Variants in INTS3 observed in about 807,000 individuals in gnomAD.
INTS3 encodes the protein SOSS complex subunit A.
In INTS3, 34 loss-of-function variants were observed where a neutral mutation model predicts 146.3. That is an observed-to-expected ratio of 0.23 (90% CI 0.18 to 0.31). The LOEUF (loss-of-function observed/expected upper bound fraction) is 0.31, where lower values mean the gene tolerates loss of function less well. INTS3 is among the 10% of genes least tolerant of loss of function. The probability of loss-of-function intolerance (pLI) is 1.00; values close to 1 mark genes in which losing one functional copy is unlikely to be tolerated. For missense variants in INTS3, 757 were observed against 1,304.2 expected (o/e 0.58, Z 6.46); for synonymous variants, 475 against 494.9 (o/e 0.96, Z 0.53).
intron 1 of INTS3, among the ~76,000 whole-genome samples, chr1:153,734,830 T>TA (rs1671230275): frequency 6.6e-6 from 1 of 152,214 alleles, no homozygotes; most frequent in African/African-American, 2.4e-5. Flanking sequence ...GTCAGGAATT[T>TA]ATTCATGTCC....
chr1:153,758,100 C>T (rs772221080), intron 10 of INTS3, among the ~76,000 whole-genome samples: 1 of 152,196 alleles, frequency 6.6e-6, no homozygotes, highest in Non-Finnish European at 1.5e-5. Context: ...AGATTCAGAG[C>T]TTGCATTCTT....
chr1:153,732,169 C>T (rs1445290179), intron 1 of INTS3, among the ~76,000 whole-genome samples: 1 of 152,036 alleles, frequency 6.6e-6, no homozygotes, highest in African/African-American at 2.4e-5. Flanking sequence ...TTCCAAATTG[C>T]TGGGATTACA....
intron 1 of INTS3, among the ~76,000 whole-genome samples, chr1:153,736,355 A>G (rs552191107): frequency 2.0e-5 from 3 of 152,048 alleles, no homozygotes; most frequent in African/African-American, 7.2e-5. Context: ...TTGCCTTAAC[A>G]CTCAGTTCTA....
Position 153,767,792 on chromosome 1 carries a change from C to T in INTS3, c.2209C>T (p.Leu737Phe). 6.5e-7 allele frequency: 1 copy of T among 1,539,780 alleles called. No homozygotes were observed. ...GGCCTGCCAGGAGGACGATGTGCGG[C>T]TCCTGTGCCACCTCACGCCCTCCAT... ...MKACQEDDVR[L>F]LCHLTPSIYT... is the part of the protein sequence containing the mutation. The change falls in exon 21 of 30, where the codon CTC becomes TTC. Residue 737 changes from leucine (L) to phenylalanine (F), a missense_variant. Transcript: ENST00000318967.
rs1671941700 is a variant in INTS3 at position 153,751,091 on chromosome 1, G to A, written c.585-4G>A. The A allele has an allele frequency of 8.1e-6, 13 of 1,613,880 alleles. 1 individual carries two copies. The highest frequency in any genetic ancestry group is 1.3e-5 in the African/African-American group (1 of 74,922). ...ATAGGAGCCAGTGTGTTTCCTCCCT[G>A]CAGGGAGTGGGTCCTGAAGAGCAGC... On this transcript the variant is annotated splice_polypyrimidine_tract_variant and splice_region_variant and intron_variant, in intron 6 of 29. Coordinates refer to ENST00000318967, the MANE Select transcript of INTS3 (RefSeq NM_023015.5).
In INTS3 at chr1:153,770,315, A is replaced by T. The variant is rs1359047592; in HGVS notation, c.2503+4A>T. On this transcript the variant is annotated splice_donor_region_variant and intron_variant, in intron 24 of 29. Coordinates refer to ENST00000318967, the MANE Select transcript of INTS3 (RefSeq NM_023015.5). ...CTGCAGCACCTCAAATACAAGGGTG[A>T]GTAGGCTTTTGGGTAGGGAGCACAT... 1.9e-6 allele frequency: 3 copies of T among 1,561,842 alleles called. No homozygotes were observed. The South Asian group carries it at 3.3e-5, about 17-fold the overall frequency.
intron 8 of INTS3, 46 bp downstream of exon 8, chr1:153,752,454 A>C (rs1671993729): frequency 5.1e-6 from 8 of 1,579,500 alleles, no homozygotes; most frequent in Non-Finnish European, 6.9e-6. Flanking sequence ...TGGGAGTTCA[A>C]TGTGTATGTC....
At chr1:153,764,243 TC>T in intron 18 of INTS3, 22 bp downstream of exon 18, 1 of 1,540,746 alleles carries the variant, frequency 6.5e-7, no homozygotes, top group Non-Finnish European at 9.0e-7. Context: ...TTTCCCTCAC[TC>T]CAGAGCCTCA....
chr1:153,748,659 G>C (rs1671842289), intron 5 of INTS3, 30 bp from the exon 6 acceptor site: 3 of 1,588,186 alleles, frequency 1.9e-6, no homozygotes, highest in Non-Finnish European at 2.6e-6. Context: ...GCTAATCGGA[G>C]CTATTCTTTT....
rs141257402 is a variant in INTS3, at chr1:153,744,848, C to T, written c.319-2109C>T. On this transcript the variant is annotated intron_variant, in intron 3 of 29. Coordinates refer to ENST00000318967, the MANE Select transcript of INTS3 (RefSeq NM_023015.5). ...TCTCAAAACTATTACAAACTCATAC[C>T]GCTATTCCCAGCAGCCTCTTCTGGT... Among the ~76,000 whole-genome samples the T allele has an allele frequency of 9.7e-4, 148 of 152,166 alleles. 2 individuals carry two copies. The East Asian group carries it at 0.024, about 25-fold the overall frequency.
intron 1 of INTS3, among the ~76,000 whole-genome samples, chr1:153,737,577 C>T (rs149508850): frequency 5.3e-4 from 80 of 152,172 alleles, no homozygotes; most frequent in Non-Finnish European, 9.3e-4. Context: ...TGGCTCACTG[C>T]AACCTCTGAC....
At chr1:153,771,582 T>C (rs115260236) in intron 25 of INTS3, among the ~76,000 whole-genome samples, 1,801 of 152,234 alleles carry the variant, frequency 0.012, 35 homozygotes, top group African/African-American at 0.041. Flanking sequence ...CGCACACGCC[T>C]TCTCCTACCA....
At chr1:153,742,507 T>TGTGTGC (rs1297466558) in intron 3 of INTS3, among the ~76,000 whole-genome samples, 110 of 144,952 alleles carry the variant, frequency 7.6e-4, no homozygotes, top group African/African-American at 2.7e-3. Flanking sequence ...TGTGTGTGTG[T>TGTGTGC]GCGTGCGCAT....
intron 3 of INTS3, among the ~76,000 whole-genome samples, chr1:153,744,258 C>G (rs1172895597): frequency 6.6e-6 from 1 of 152,080 alleles, no homozygotes; most frequent in Non-Finnish European, 1.5e-5. Context: ...TTCATCTGAC[C>G]CTGTATCTCC....
intron 6 of INTS3, among the ~76,000 whole-genome samples, chr1:153,749,276 G>A (rs79814334): frequency 1.3e-4 from 20 of 152,226 alleles, no homozygotes; most frequent in Non-Finnish European, 2.1e-4. Flanking sequence ...GGTACATATT[G>A]GGCTTTCTGG....
intron 1 of INTS3, among the ~76,000 whole-genome samples, chr1:153,731,406 T>G (rs1671055108): frequency 6.6e-6 from 1 of 152,032 alleles, no homozygotes; most frequent in Non-Finnish European, 1.5e-5. Flanking sequence ...TTCTTGCCCA[T>G]TCCCATCCCA....
At chr1:153,760,995 C>T in intron 13 of INTS3, 77 bp downstream of exon 13, 1 of 1,565,420 alleles carries the variant, frequency 6.4e-7, no homozygotes, top group Non-Finnish European at 8.8e-7. Context: ...GTTGCCATAG[C>T]ACTGCTGGCC....
rs146997911 is a variant in INTS3 at position 153,763,333 on chromosome 1, G to A, written c.1737G>A (p.Arg579=). 6.2e-6 allele frequency: 10 copies of A among 1,614,042 alleles called. No individual in the cohort carries two copies. The East Asian group carries it at 6.7e-5, about 11-fold the overall frequency. The change falls in exon 16 of 30, where the codon AGG becomes AGA. Residue 579 remains arginine (R), a synonymous_variant. Transcript: ENST00000318967. ...TTGACCAGTTGGATGAGTCCCTGAG[G>A]GACAAAGTACTCCAGCTACAGAAGG... ...PYLDQLDESL[R]DKVLQLQKGS...
chr1:153,767,785 T>C lies in INTS3; in HGVS notation c.2202T>C (p.Asp734=). ...ACATGAAGGCCTGCCAGGAGGACGA[T>C]GTGCGGCTCCTGTGCCACCTCACGC... is the stretch of plus-strand genomic sequence containing the variant. ...MMDMKACQED[D]VRLLCHLTPS... is the part of the protein sequence containing the mutation. The change falls in exon 21 of 30, where the codon GAT becomes GAC. Residue 734 remains aspartate, a synonymous_variant. Transcript: ENST00000318967. 6.2e-7 allele frequency: 1 copy of C among 1,613,502 alleles called. No homozygotes were observed. Among genetic ancestry groups the C allele is most frequent in the Non-Finnish European group, 8.5e-7 (1 of 1,179,776 alleles).
Sources: allele counts gnomAD v4.1 joint callset (sites outside exome capture counted in the v4.1 genomes callset), GRCh38; gene constraint gnomAD v4.1.1; transcripts MANE v1.5; gene names NCBI Gene and HGNC (gene_info 2026-07-23, HGNC 2026-07-21).